The following NPC1L1 variants were observed in gnomAD, a reference collection of about 807,000 sequenced individuals.
NPC1L1 encodes NPC1-like intracellular cholesterol transporter 1.
A neutral mutation model predicts 117.0 loss-of-function variants in NPC1L1; 98 were observed. The observed-to-expected ratio is 0.84, with a 90% CI of 0.71 to 0.99. The LOEUF (loss-of-function observed/expected upper bound fraction) is 0.99. Among genes scored for constraint, NPC1L1 ranks in the 50% least tolerant of loss-of-function variants. NPC1L1 has a pLI of 0.00. For synonymous variants in NPC1L1, 729 were observed against 727.6 expected (o/e 1.00, Z -0.03); for missense variants, 1,540 against 1,710.0 (o/e 0.90, Z 1.75).
In NPC1L1 at chr7:44,540,330, G is replaced by C; in HGVS notation, c.67C>G (p.Pro23Ala). 1 of 1,612,574 alleles carries C rather than the reference G, an allele frequency of 6.2e-7. No homozygotes were observed. Among genetic ancestry groups the C allele is most frequent in the Non-Finnish European group, 8.5e-7 (1 of 1,179,966 alleles). The change falls in exon 2 of 19, where the codon CCT becomes GCT. Residue 23 changes from proline (P) to alanine (A), a missense_variant. By Grantham distance (27) the Pro-to-Ala change is conservative (BLOSUM62 -1). Around this residue, in one of 3 missense-constraint regions of NPC1L1, gnomAD observed 793 missense variants for 820.4 expected, o/e 0.97. Coordinates refer to ENST00000381160, the MANE Select transcript of NPC1L1 (RefSeq NM_001101648.2). Reference protein sequence around the residue: ...ALLLRLAQSEPYTTIHQPGYC... With the variant: ...ALLLRLAQSEAYTTIHQPGYC... Reference sequence around the variant, plus strand: ...CCAGGCTGGTGGATGGTTGTGTAAGGCTCACTCTGGGCCTGCAGAGCACAG... The same window carrying C: ...CCAGGCTGGTGGATGGTTGTGTAAGCCTCACTCTGGGCCTGCAGAGCACAG...
chr7:44,517,245 C>T lies in NPC1L1; in HGVS notation c.3249G>A (p.Val1083=). Reference sequence around the variant, plus strand: ...CCTCAAAAGCCGGGTCTGTTCCAGGCACTTTCCGCAGGTCAGCAGTGATGT... The same window carrying T: ...CCTCAAAAGCCGGGTCTGTTCCAGGTACTTTCCGCAGGTCAGCAGTGATGT... ...AANITADLRK[V]PGTDPAFEVF... The change falls in exon 15 of 19, where the codon GTG becomes GTA. Residue 1083 remains valine (V), a synonymous_variant. Coordinates refer to ENST00000381160, the MANE Select transcript of NPC1L1 (RefSeq NM_001101648.2). 1 of 1,614,082 alleles carries T rather than the reference C, an allele frequency of 6.2e-7. No individual in the cohort carries two copies. The highest frequency in any genetic ancestry group is 1.6e-4 in the Middle Eastern group (1 of 6,062).
At chr7:44,531,880 C>T in intron 9 of NPC1L1, 36 bp from the exon 10 acceptor site, 1 of 1,549,954 alleles carries the variant, frequency 6.5e-7, no homozygotes, top group Non-Finnish European at 8.7e-7. Context: ...CCACCCTGCC[C>T]AACAGCCGTC....
At chr7:44,514,999 C>T (rs540754542) in intron 18 of NPC1L1, among the ~76,000 whole-genome samples, 4 of 150,934 alleles carry the variant, frequency 2.7e-5, no homozygotes, top group East Asian at 1.9e-4. Flanking sequence ...GGCAACAGAG[C>T]GAGACTCCAT....
chr7:44,535,203 T>C (rs1287880163), intron 5 of NPC1L1, among the ~76,000 whole-genome samples: 2 of 151,990 alleles, frequency 1.3e-5, no homozygotes, highest in East Asian at 1.9e-4. Context: ...CCATCTCTAC[T>C]AAAAACACAA....
intron 14 of NPC1L1, among the ~76,000 whole-genome samples, chr7:44,519,005 C>G (rs865786387): frequency 2.0e-5 from 3 of 151,032 alleles, no homozygotes; most frequent in Non-Finnish European, 3.0e-5. Flanking sequence ...CTCTCTTTCT[C>G]TCTCTCTCTT....
rs753820613 is a variant in NPC1L1 at position 44,538,976 on chromosome 7, G to A, written c.1421C>T (p.Pro474Leu). 8 of 1,614,088 alleles carry A rather than the reference G, an allele frequency of 5.0e-6. No homozygotes were observed. Among genetic ancestry groups the A allele is most frequent in the Admixed American group, 3.3e-5 (2 of 59,994 alleles). Reference sequence around the variant, plus strand: ...GAGACTGGTATTGTCCGGATTGAGGGGGGCGTAGCAGATGTCCTGCAGGGA... The same window carrying A: ...GAGACTGGTATTGTCCGGATTGAGGAGGGCGTAGCAGATGTCCTGCAGGGA... ...NISLQDICYA[P>L]LNPDNTSLYD... The change falls in exon 2 of 19, where the codon CCC (proline) becomes CTC (leucine). Residue 474 changes from proline (P) to leucine (L), a missense_variant. By Grantham distance (98) the Pro-to-Leu change is moderately conservative. Around this residue, in one of 3 missense-constraint regions of NPC1L1, gnomAD observed 793 missense variants for 820.4 expected, o/e 0.97. Transcript: ENST00000381160. This position sits in a 1 kb window ranked among gnomAD's most constrained non-coding sequence, Gnocchi z 5.9.
intron 10 of NPC1L1, among the ~76,000 whole-genome samples, chr7:44,525,915 C>T (rs954891009): frequency 4.6e-5 from 7 of 152,144 alleles, no homozygotes; most frequent in Admixed American, 1.3e-4. Context: ...CCTGTAATCC[C>T]AGCACTTCAG....
Position 44,533,503 on chromosome 7 carries a change from T to A in NPC1L1, c.2337A>T (p.Ala779=), listed in dbSNP as rs776034397. 1.6e-5 allele frequency: 26 copies of A among 1,614,168 alleles called. No individual in the cohort carries two copies. Among genetic ancestry groups the A allele is most frequent in the Non-Finnish European group, 2.1e-5 (25 of 1,180,018 alleles). The stretch of plus-strand genomic sequence containing the variant: ...TCTGCAGGAGGAAGTCAAGGATCAC[T>A]GCAAGGCCAGAGGTCAGGGCAAAGG... ...VRTFALTSGL[A]VILDFLLQMS... Residue 779 remains alanine (A), a synonymous_variant, in exon 8 of 19, where the codon GCA becomes GCT. Transcript: ENST00000381160.
At chr7:44,513,942 G>A (rs1801113886) in intron 18 of NPC1L1, among the ~76,000 whole-genome samples, 1 of 152,038 alleles carries the variant, frequency 6.6e-6, no homozygotes, top group Admixed American at 6.6e-5. Flanking sequence ...CCTCTCTTAT[G>A]TCTCATCCAC....
Position 44,534,572 on chromosome 7 carries a change from T to C in NPC1L1, c.2041A>G (p.Met681Val). 1 of 1,614,116 alleles carries C rather than the reference T, an allele frequency of 6.2e-7. No individual in the cohort carries two copies. Among genetic ancestry groups the C allele is most frequent in the Non-Finnish European group, 8.5e-7 (1 of 1,180,006 alleles). ...GGVAVVLGAV[M>V]AAMGFFSYLG... ...TAGGAGAAGAAGCCCATGGCAGCCA[T>C]GACTGCTCCCAGGACCACGGCCACC... Residue 681 changes from methionine (M) to valine (V), a missense_variant, in exon 6 of 19, where the codon ATG becomes GTG. Transcript: ENST00000381160. The surrounding 1 kb of genome is among the most constrained non-coding windows in gnomAD (Gnocchi z 5.2).
At chr7:44,520,589 G>A (rs1266850250) in intron 14 of NPC1L1, among the ~76,000 whole-genome samples, 176 bp downstream of exon 14, 1 of 152,190 alleles carries the variant, frequency 6.6e-6, no homozygotes, top group Non-Finnish European at 1.5e-5. Context: ...AGTGAGAGAA[G>A]GGGTGAAGTC....
At chr7:44,518,712 A>C in intron 14 of NPC1L1, 1 of 1,201,954 alleles carries the variant, frequency 8.3e-7, no homozygotes, top group Non-Finnish European at 1.1e-6. Flanking sequence ...TACAGTGAGC[A>C]TGTGTATCTG....
Position 44,516,865 on chromosome 7 carries a change from G to T in NPC1L1, c.3357C>A (p.Cys1119Ter). The change falls in exon 16 of 19, where the codon TGC (cysteine) becomes TGA (stop). Residue 1119 changes from cysteine to a stop codon, truncating the protein, a stop_gained. Transcript: ENST00000381160. LOFTEE classifies it high-confidence loss of function. ...AGGAGACAGCGAAGGTGGGCACAAG[G>T]CAGAGGCTGAGCATGAAGAGCCCCT... Reference protein sequence around the residue: ...LPEGLFMLSLCLVPTFAVSCL... With the variant: ...LPEGLFMLSL 1.2e-6 allele frequency: 2 copies of T among 1,614,166 alleles called. No homozygotes were observed. The highest frequency in any genetic ancestry group is 1.7e-6 in the Non-Finnish European group (2 of 1,180,048).
intron 10 of NPC1L1, among the ~76,000 whole-genome samples, chr7:44,530,860 G>A (rs1801674142): frequency 6.6e-6 from 1 of 152,120 alleles, no homozygotes; most frequent in African/African-American, 2.4e-5. Context: ...CTGGCTTCCA[G>A]GACCCCAGGC....
intron 10 of NPC1L1, among the ~76,000 whole-genome samples, chr7:44,527,020 A>T (rs1332027457): frequency 6.6e-6 from 1 of 151,892 alleles, no homozygotes; most frequent in Non-Finnish European, 1.5e-5. Flanking sequence ...GTGAAACTCC[A>T]TCTCAAAATA....
Position 44,522,038 on chromosome 7 carries a change from G to A in NPC1L1, c.2828+14C>T. On this transcript the variant is annotated intron_variant, in intron 11 of 18. Coordinates refer to ENST00000381160, the MANE Select transcript of NPC1L1 (RefSeq NM_001101648.2). ...AGGGAGTAGGCTGGGGTTTGGGGCG[G>A]GCCAGGAACTCACTGCTCAGGGAAC... 6 of 1,613,288 alleles carry A rather than the reference G, an allele frequency of 3.7e-6. No individual in the cohort carries two copies. Among genetic ancestry groups the A allele is most frequent in the Non-Finnish European group, 5.1e-6 (6 of 1,179,660 alleles).
At chr7:44,515,628 A>G (rs1388171849) in intron 18 of NPC1L1, among the ~76,000 whole-genome samples, 175 bp downstream of exon 18, 1 of 152,252 alleles carries the variant, frequency 6.6e-6, no homozygotes, top group Non-Finnish European at 1.5e-5. Context: ...TTCACAGCAC[A>G]TTAAATGAAT....
In NPC1L1 at chr7:44,518,622, T is replaced by C. The variant is rs991460105; in HGVS notation, c.3137-1265A>G. Reference sequence around the variant, plus strand: ...AGGTAGAGGTTGCAGTGAGCCGAGATTGTGCCACTGTACTCCAGCCTGGGT... The same window carrying C: ...AGGTAGAGGTTGCAGTGAGCCGAGACTGTGCCACTGTACTCCAGCCTGGGT... On this transcript the variant is annotated intron_variant, in intron 14 of 18. Transcript: ENST00000381160. 4 of 806,026 alleles carry C rather than the reference T, an allele frequency of 5.0e-6. No homozygotes were observed. The African/African-American group carries it at 7.2e-5, about 15-fold the overall frequency. 49.9% of individuals were successfully genotyped at this position (806,026 alleles called of 1,614,324 possible). A position where few individuals can be genotyped will look rare whatever the true frequency, so the allele number is the denominator to read the frequency against.
chr7:44,523,199 G>C (rs780790627), intron 10 of NPC1L1, among the ~76,000 whole-genome samples: 1 of 152,162 alleles, frequency 6.6e-6, no homozygotes, highest in Non-Finnish European at 1.5e-5. Context: ...AGGATTACAG[G>C]CATGTGCCAC....
Sources: allele counts gnomAD v4.1 joint callset (sites outside exome capture counted in the v4.1 genomes callset), GRCh38; gene constraint gnomAD v4.1.1; regional missense constraint gnomAD v4.1.1; non-coding constraint Gnocchi (gnomAD v3.1); transcripts MANE v1.5; gene names NCBI Gene and HGNC (gene_info 2026-07-23, HGNC 2026-07-21).